TAF3: variants seen among roughly 807,000 people sequenced by gnomAD.
TAF3 encodes the protein transcription initiation factor TFIID subunit 3.
TAF3 carries 7 observed loss-of-function variants against 80.6 expected under a neutral mutation model. The observed-to-expected ratio is 0.09, with a 90% CI of 0.05 to 0.16. The LOEUF (loss-of-function observed/expected upper bound fraction) is 0.16, where lower values mean the gene tolerates loss of function less well. Among genes scored for constraint, TAF3 ranks in the 10% least tolerant of loss-of-function variants. TAF3 has a pLI of 1.00. For missense variants in TAF3, 921 were observed against 1,140.2 expected (o/e 0.81, Z 2.77); for synonymous variants, 444 against 446.1 (o/e 1.00, Z 0.06).
At chr10:7,891,054 A>C (rs906358867) in intron 2 of TAF3, among the ~76,000 whole-genome samples, 1 of 152,258 alleles carries the variant, frequency 6.6e-6, no homozygotes, top group Admixed American at 6.5e-5. Context: ...GCATGTCTGC[A>C]GCAGGCAGTG....
At chr10:7,896,912 TTTA>T in intron 2 of TAF3, among the ~76,000 whole-genome samples, 1 of 152,284 alleles carries the variant, frequency 6.6e-6, no homozygotes, top group African/African-American at 2.4e-5. Context: ...TCCAACCTTC[TTTA>T]TTGGTAGATT....
intron 2 of TAF3, among the ~76,000 whole-genome samples, chr10:7,825,251 C>G (rs1353949466): frequency 6.6e-6 from 1 of 152,154 alleles, no homozygotes; most frequent in African/African-American, 2.4e-5. Flanking sequence ...GCAATAAGTT[C>G]TTTCATTTTG....
chr10:7,860,604 CT>C (rs1326174383), intron 2 of TAF3, among the ~76,000 whole-genome samples: 2 of 152,130 alleles, frequency 1.3e-5, no homozygotes, highest in South Asian at 4.1e-4. Context: ...TGCTTGATTT[CT>C]TTTATACATT....
chr10:7,912,869 T>C (rs1837670183), intron 2 of TAF3, among the ~76,000 whole-genome samples: 1 of 152,194 alleles, frequency 6.6e-6, no homozygotes, highest in Non-Finnish European at 1.5e-5. Flanking sequence ...TCCCTTATGC[T>C]GGTTACCTTC....
At chr10:7,947,819 AT>A (rs1482737846) in intron 2 of TAF3, among the ~76,000 whole-genome samples, 1 of 152,068 alleles carries the variant, frequency 6.6e-6, no homozygotes, top group Non-Finnish European at 1.5e-5. Flanking sequence ...AAATGATCTG[AT>A]TTGGGATTCG....
At chr10:7,853,010 T>A (rs575300993) in intron 2 of TAF3, among the ~76,000 whole-genome samples, 3 of 152,256 alleles carry the variant, frequency 2.0e-5, no homozygotes, top group Non-Finnish European at 4.4e-5. Context: ...ATTAGTCCAT[T>A]TATTATCCAT....
intron 2 of TAF3, among the ~76,000 whole-genome samples, chr10:7,861,207 G>T (rs560029558): frequency 6.6e-6 from 1 of 151,926 alleles, no homozygotes; most frequent in Non-Finnish European, 1.5e-5. Flanking sequence ...CTCGTGATCC[G>T]CCCGTCTTGG....
intron 2 of TAF3, among the ~76,000 whole-genome samples, chr10:7,963,543 C>CT (rs1306913816): frequency 3.6e-4 from 53 of 148,554 alleles, no homozygotes; most frequent in East Asian, 9.8e-4. Context: ...CAATAATTTC[C>CT]TTTTTTTTTT....
intron 2 of TAF3, among the ~76,000 whole-genome samples, chr10:7,959,226 C>T (rs1429253649): frequency 6.6e-6 from 1 of 151,952 alleles, no homozygotes; most frequent in Non-Finnish European, 1.5e-5. Flanking sequence ...GATTTTGATG[C>T]TGCAATTGAA....
At chr10:7,852,445 A>G (rs1189517897) in intron 2 of TAF3, among the ~76,000 whole-genome samples, 1 of 151,936 alleles carries the variant, frequency 6.6e-6, no homozygotes, top group Non-Finnish European at 1.5e-5. Context: ...TTACATTTTC[A>G]TATTTGTTGC....
chr10:7,997,771 C>T (rs1328276650), intron 4 of TAF3, among the ~76,000 whole-genome samples: 1 of 151,868 alleles, frequency 6.6e-6, no homozygotes, highest in African/African-American at 2.4e-5. Flanking sequence ...ACTTACTATG[C>T]AATTAAACAG....
At chr10:8,002,960 G>C (rs1220972815) in intron 4 of TAF3, among the ~76,000 whole-genome samples, 1 of 151,914 alleles carries the variant, frequency 6.6e-6, no homozygotes, top group Non-Finnish European at 1.5e-5. Flanking sequence ...GATGGTTCTT[G>C]CCTTAAAGTC....
chr10:7,950,915 T>G (rs1588563240), intron 2 of TAF3, among the ~76,000 whole-genome samples: 2 of 152,340 alleles, frequency 1.3e-5, no homozygotes, highest in South Asian at 4.1e-4. Flanking sequence ...CCAGAGGCTG[T>G]GATGTGCCTC....
At chr10:7,962,512 G>A (rs538201747) in intron 2 of TAF3, among the ~76,000 whole-genome samples, 81 of 152,256 alleles carry the variant, frequency 5.3e-4, no homozygotes, top group Middle Eastern at 3.4e-3. Context: ...CTAGGATCTG[G>A]ATGCAATTTT....
chr10:7,983,019 A>G (rs73616084), intron 4 of TAF3, among the ~76,000 whole-genome samples: 27,302 of 152,090 alleles, frequency 0.18, 3,539 homozygotes, highest in African/African-American at 0.36. Flanking sequence ...AAACCGTCTT[A>G]GAGGGGAAAA....
chr10:7,862,618 A>G (rs1198298776), intron 2 of TAF3, among the ~76,000 whole-genome samples: 1 of 152,256 alleles, frequency 6.6e-6, no homozygotes, highest in Non-Finnish European at 1.5e-5. Context: ...AGTCAAAATT[A>G]TGAAGATATC....
chr10:7,857,555 C>G (rs1564349266), intron 2 of TAF3, among the ~76,000 whole-genome samples: 1 of 152,188 alleles, frequency 6.6e-6, no homozygotes, highest in Non-Finnish European at 1.5e-5. Context: ...TGTCACAAGC[C>G]TCTACTCAGA....
chr10:7,866,786 G>A (rs1173787645), intron 2 of TAF3, among the ~76,000 whole-genome samples: 2 of 152,194 alleles, frequency 1.3e-5, no homozygotes, highest in African/African-American at 4.8e-5. Flanking sequence ...AAACCCTGCA[G>A]TGTTGGACGC....
At chr10:7,986,853 A>AT (rs1476001662) in intron 4 of TAF3, among the ~76,000 whole-genome samples, 9 of 152,350 alleles carry the variant, frequency 5.9e-5, no homozygotes, top group Non-Finnish European at 8.8e-5. Context: ...ATTACATAAG[A>AT]AGATCTGAGA....
Sources: allele counts gnomAD v4.1 joint callset (sites outside exome capture counted in the v4.1 genomes callset), GRCh38; gene constraint gnomAD v4.1.1; transcripts MANE v1.5; gene names NCBI Gene and HGNC (gene_info 2026-07-23, HGNC 2026-07-21).